Variants in NME7 observed in about 807,000 individuals in gnomAD.
NME7 encodes the protein NME/NM23 family member 7, also known as nucleoside diphosphate kinase 7.
A neutral mutation model predicts 49.1 loss-of-function variants in NME7; 41 were observed. That is an observed-to-expected ratio of 0.83 (90% CI 0.65 to 1.08). The LOEUF (loss-of-function observed/expected upper bound fraction) is 1.08, where lower values mean the gene tolerates loss of function less well. NME7 is among the 50% of genes least tolerant of loss of function. The probability of loss-of-function intolerance (pLI) is 0.00; values close to 1 mark genes in which losing one functional copy is unlikely to be tolerated. For synonymous variants in NME7, 139 were observed against 150.6 expected (o/e 0.92, Z 0.56); for missense variants, 423 against 463.4 (o/e 0.91, Z 0.80).
At chr1:169,262,702 C>T (rs1259129370) in intron 7 of NME7, among the ~76,000 whole-genome samples, 1 of 133,174 alleles carries the variant, frequency 7.5e-6, no homozygotes, top group Admixed American at 7.3e-5. Context: ...AGTGACAGCC[C>T]CCAGGGGGAC....
At chr1:169,237,952 G>A (rs1025080243) in intron 7 of NME7, among the ~76,000 whole-genome samples, 6 of 151,948 alleles carry the variant, frequency 3.9e-5, no homozygotes, top group Non-Finnish European at 7.4e-5. Flanking sequence ...TGCCTTTAAA[G>A]CCCCTGAAGT....
intron 7 of NME7, chr1:169,286,953 C>CAAAA (rs71121752): frequency 6.2e-4 from 74 of 118,572 alleles, no homozygotes; most frequent in Middle Eastern, 4.3e-3. Context: ...GACTCTGTCT[C>CAAAA]AAAAAAAAAA....
intron 11 of NME7, among the ~76,000 whole-genome samples, chr1:169,141,602 G>A (rs12086569): frequency 0.014 from 2,201 of 152,238 alleles, 55 homozygotes; most frequent in African/African-American, 0.05. Flanking sequence ...AGGAATTACA[G>A]TACTCTTTAC....
chr1:169,297,025 G>C (rs1650738296), intron 6 of NME7, among the ~76,000 whole-genome samples: 1 of 150,960 alleles, frequency 6.6e-6, no homozygotes, highest in South Asian at 2.1e-4. Context: ...CCAGGCTAGA[G>C]CACAGTGGCA....
chr1:169,190,594 G>A (rs904368478), intron 10 of NME7: 4 of 418,920 alleles, frequency 9.5e-6, no homozygotes, highest in African/African-American at 8.5e-5. Context: ...AACAATGAAA[G>A]TGTTATTTTT....
At chr1:169,298,330 G>A (rs1650790963) in intron 6 of NME7, among the ~76,000 whole-genome samples, 1 of 152,142 alleles carries the variant, frequency 6.6e-6, no homozygotes, top group South Asian at 2.1e-4. Context: ...AGGATGAGAA[G>A]TGTTTTAATT....
At chr1:169,153,668 AT>A (rs11295689) in intron 11 of NME7, among the ~76,000 whole-genome samples, 99,531 of 151,312 alleles carry the variant, frequency 0.66, 33,093 homozygotes, top group East Asian at 0.93. Context: ...TTAATTTTAC[AT>A]TTTTTTTTAT....
chr1:169,164,397 C>T lies in NME7; in HGVS notation c.1098+5050G>A, dbSNP rs191183375. ...TCACAGTCTCACATGAGCAAACAGA[C>T]ACTGTGCTGTAATAGTAATAATAAT... On this transcript the variant is annotated intron_variant, in intron 11 of 11. Transcript: ENST00000367811. Among the ~76,000 whole-genome samples, 164 of 152,206 alleles carry T rather than the reference C, an allele frequency of 1.1e-3. 1 individual carries two copies. Among genetic ancestry groups the T allele is most frequent in the African/African-American group, 3.9e-3 (162 of 41,518 alleles).
chr1:169,324,649 A>G (rs1248932774), intron 1 of NME7, 149 bp from the exon 2 acceptor site: 2 of 583,644 alleles, frequency 3.4e-6, no homozygotes, highest in African/African-American at 1.9e-5. Flanking sequence ...ACAAAGTATC[A>G]GTTATCAACA....
intron 10 of NME7, among the ~76,000 whole-genome samples, chr1:169,185,274 C>T (rs1660035799): frequency 6.6e-6 from 1 of 152,194 alleles, no homozygotes; most frequent in East Asian, 1.9e-4. Context: ...GCTTGAGCTA[C>T]TCTTTCAGCC....
At chr1:169,165,113 A>T (rs1344687765) in intron 11 of NME7, among the ~76,000 whole-genome samples, 1 of 152,204 alleles carries the variant, frequency 6.6e-6, no homozygotes, top group East Asian at 1.9e-4. Flanking sequence ...ACCATAATTT[A>T]TTCCTATAAT....
intron 11 of NME7, among the ~76,000 whole-genome samples, chr1:169,150,399 C>G (rs531684248): frequency 6.6e-6 from 1 of 152,220 alleles, no homozygotes; most frequent in Admixed American, 6.5e-5. Context: ...TAGTATCTCT[C>G]TGGATTTCAA....
intron 9 of NME7, among the ~76,000 whole-genome samples, chr1:169,234,011 A>G (rs1251049170): frequency 6.8e-6 from 1 of 147,468 alleles, no homozygotes; most frequent in African/African-American, 2.5e-5. Flanking sequence ...TTCAGTGTTG[A>G]TTACAGATAC....
At chr1:169,344,647 T>C (rs1652896387) in intron 1 of NME7, among the ~76,000 whole-genome samples, 1 of 130,362 alleles carries the variant, frequency 7.7e-6, no homozygotes, top group African/African-American at 2.5e-5. Context: ...TTATCCTTTA[T>C]TTCACTATTT....
At chr1:169,279,558 G>A (rs1286185861) in intron 7 of NME7, among the ~76,000 whole-genome samples, 3 of 152,198 alleles carry the variant, frequency 2.0e-5, no homozygotes, top group Non-Finnish European at 4.4e-5. Flanking sequence ...GTATTTGGGT[G>A]GGAGTGACCC....
intron 3 of NME7, among the ~76,000 whole-genome samples, chr1:169,317,449 C>T (rs114559680): frequency 0.011 from 1,673 of 152,204 alleles, 18 homozygotes; most frequent in African/African-American, 0.034. Flanking sequence ...TTGGGTCTAT[C>T]GTATAATCAA....
At chr1:169,160,924 T>C (rs1045692645) in intron 11 of NME7, among the ~76,000 whole-genome samples, 4 of 152,192 alleles carry the variant, frequency 2.6e-5, no homozygotes, top group East Asian at 1.9e-4. Context: ...CCTTCTGCCA[T>C]AGCAATTCAG....
chr1:169,287,241 C>T, intron 7 of NME7, 62 bp downstream of exon 7: 2 of 1,288,572 alleles, frequency 1.6e-6, no homozygotes, highest in Non-Finnish European at 2.2e-6. Flanking sequence ...TAAAGTACAT[C>T]AAGAAAATAA....
At chr1:169,211,858 C>T (rs111383579) in intron 10 of NME7, among the ~76,000 whole-genome samples, 1,869 of 152,086 alleles carry the variant, frequency 0.012, 50 homozygotes, top group African/African-American at 0.043. Context: ...AAAAGATTGC[C>T]GTTGATTCAA....
Sources: gnomAD v4.1 joint callset for allele counts (sites outside exome capture counted in the v4.1 genomes callset) on GRCh38, gnomAD v4.1.1 for gene constraint, MANE v1.5 for transcripts, NCBI Gene and HGNC (gene_info 2026-07-23, HGNC 2026-07-21) for gene names.